Variants in RAD18 observed in about 807,000 individuals in gnomAD.
RAD18 encodes the protein E3 ubiquitin-protein ligase RAD18.
RAD18 carries 47 observed loss-of-function variants against 60.4 expected under a neutral mutation model. That is an observed-to-expected ratio of 0.78 (90% CI 0.62 to 0.99). The LOEUF (loss-of-function observed/expected upper bound fraction) is 0.99. RAD18 is among the 50% of genes least tolerant of loss of function. RAD18 has a pLI of 0.00. For synonymous variants in RAD18, 225 were observed against 195.5 expected, an observed-to-expected ratio of 1.15 and a Z score of -1.26; for missense variants, 640 against 593.3, an observed-to-expected ratio of 1.08 and a Z score of -0.82.
chr3:8,891,364 C>G (rs593483), intron 11 of RAD18, among the ~76,000 whole-genome samples: 83,480 of 151,652 alleles, frequency 0.55, 26,447 homozygotes, highest in Middle Eastern at 0.71. Context: ...AGCATCTCTA[C>G]TATTCTAGCT....
At chr3:8,894,280 C>T (rs6792980) in intron 11 of RAD18, among the ~76,000 whole-genome samples, 30,510 of 151,804 alleles carry the variant, frequency 0.2, 4,706 homozygotes, top group African/African-American at 0.43. Context: ...TCCACTAGAA[C>T]TAAAGAAAGA....
chr3:8,961,476 A>T (rs187934375), intron 1 of RAD18, among the ~76,000 whole-genome samples: 5 of 152,362 alleles, frequency 3.3e-5, no homozygotes, highest in Admixed American at 3.3e-4. Flanking sequence ...TTTACAAATA[A>T]CTTGAGACTC....
Position 8,899,174 on chromosome 3 carries a change from C to T in RAD18, c.1169-127G>A, listed in dbSNP as rs553122275. ...AGTATATGTCACATAGATTCCAGAA[C>T]TCTAGTGACAGCCAGAGAGCAAGAA... is the stretch of plus-strand genomic sequence containing the variant. On this transcript the variant is annotated intron_variant, in intron 10 of 12. Transcript: ENST00000264926. 9.6e-5 allele frequency: 61 copies of T among 634,904 alleles called. No homozygotes were observed. In the African/African-American group the frequency reaches 9.9e-4, roughly 10 times the overall value. The allele number at this position is 634,904 out of a possible 1,614,324, so 39.3% of individuals were successfully genotyped here.
chr3:8,908,724 A>G (rs1940056977), intron 9 of RAD18, among the ~76,000 whole-genome samples: 1 of 152,246 alleles, frequency 6.6e-6, no homozygotes, highest in African/African-American at 2.4e-5. Flanking sequence ...ATTAGAAATA[A>G]GTAATTAATT....
At chr3:8,916,533 A>T (rs1940202717) in intron 7 of RAD18, among the ~76,000 whole-genome samples, 1 of 152,214 alleles carries the variant, frequency 6.6e-6, no homozygotes, top group South Asian at 2.1e-4. Context: ...TTCAATCAAA[A>T]CTTAAACATG....
chr3:8,936,127 A>G, intron 6 of RAD18, 72 bp from the exon 7 acceptor site: 1 of 1,346,458 alleles, frequency 7.4e-7, no homozygotes, highest in East Asian at 2.5e-5. Context: ...TGGCAAATAA[A>G]TTCTGATTCA....
chr3:8,936,123 A>G (rs566747945), intron 6 of RAD18, 68 bp from the exon 7 acceptor site: 189 of 1,341,422 alleles, frequency 1.4e-4, no homozygotes, highest in Admixed American at 3.2e-4. Context: ...AAAATGGCAA[A>G]TAAATTCTGA....
chr3:8,900,519 A>G (rs1438503798), intron 10 of RAD18, among the ~76,000 whole-genome samples: 1 of 152,204 alleles, frequency 6.6e-6, no homozygotes, highest in Admixed American at 6.5e-5. Context: ...AGCATTCAAT[A>G]ATCTGTGGGC....
intron 6 of RAD18, among the ~76,000 whole-genome samples, chr3:8,938,109 G>A (rs904531807): frequency 6.6e-6 from 1 of 152,022 alleles, no homozygotes; most frequent in Admixed American, 6.6e-5. Flanking sequence ...TCAAACTCTC[G>A]TGGCTTATGG....
chr3:8,948,533 T>A lies in RAD18; in HGVS notation c.171A>T (p.Lys57Asn). 6.2e-7 allele frequency: 1 copy of A among 1,613,066 alleles called. No individual in the cohort carries two copies. The highest frequency in any genetic ancestry group is 1.3e-5 in the African/African-American group (1 of 75,010). Residue 57 changes from lysine (K) to asparagine (N), a missense_variant, in exon 3 of 13, where the codon AAA becomes AAT. Coordinates refer to ENST00000264926, the MANE Select transcript of RAD18 (RefSeq NM_020165.4). The part of the protein sequence containing the change: ...SLCIRKFLSY[K>N]TQCPTCCVTV... ...CCACACAGCAAGTTGGACACTGAGT[T>A]TTATAGGACAGAAATTTTCTTATAC...
At chr3:8,927,894 A>G (rs907792867) in intron 7 of RAD18, among the ~76,000 whole-genome samples, 2 of 145,678 alleles carry the variant, frequency 1.4e-5, no homozygotes, top group African/African-American at 5.1e-5. Flanking sequence ...GGAACATCAC[A>G]CACTGGGGCC....
chr3:8,937,516 A>ATATATATAATATATATATATATATATAT (rs1559790514), intron 6 of RAD18, among the ~76,000 whole-genome samples: 1 of 152,062 alleles, frequency 6.6e-6, no homozygotes, highest in African/African-American at 2.4e-5. Flanking sequence ...TAGAAGGGTT[A>ATATATATAATATATATATATATATATAT]AGGGCTGCCA....
At chr3:8,895,712 A>T (rs1302000152) in intron 11 of RAD18, among the ~76,000 whole-genome samples, 1 of 152,244 alleles carries the variant, frequency 6.6e-6, no homozygotes, top group African/African-American at 2.4e-5. Flanking sequence ...TAAAAGATGT[A>T]TACTGAGTTG....
chr3:8,914,734 A>C (rs574776), intron 7 of RAD18, among the ~76,000 whole-genome samples: 105,138 of 152,006 alleles, frequency 0.69, 36,904 homozygotes, highest in Middle Eastern at 0.76. Flanking sequence ...CCTTTCCAAA[A>C]TGAGTCATGG....
At chr3:8,916,005 A>G (rs1940193899) in intron 7 of RAD18, among the ~76,000 whole-genome samples, 1 of 152,206 alleles carries the variant, frequency 6.6e-6, no homozygotes, top group African/African-American at 2.4e-5. Context: ...CTGGCAAAAG[A>G]GAACCACCCC....
chr3:8,910,903 T>C (rs1940095274), intron 9 of RAD18, among the ~76,000 whole-genome samples: 1 of 152,194 alleles, frequency 6.6e-6, no homozygotes, highest in African/African-American at 2.4e-5. Flanking sequence ...TAGCACCAAA[T>C]GGCTTGATAG....
chr3:8,896,583 T>C (rs1053665566), intron 11 of RAD18, among the ~76,000 whole-genome samples: 3 of 152,238 alleles, frequency 2.0e-5, no homozygotes, highest in Non-Finnish European at 2.9e-5. Context: ...CTTGCTGTCC[T>C]TTCTACCACA....
chr3:8,894,849 C>T (rs1424278768), intron 11 of RAD18, among the ~76,000 whole-genome samples: 6 of 150,856 alleles, frequency 4.0e-5, no homozygotes, highest in African/African-American at 9.8e-5. Flanking sequence ...CAACCTCCGC[C>T]TCCCACGTTC....
chr3:8,885,526 A>C (rs1418666798), intron 12 of RAD18, among the ~76,000 whole-genome samples: 2 of 152,236 alleles, frequency 1.3e-5, no homozygotes, highest in Non-Finnish European at 2.9e-5. Flanking sequence ...GTGTTAGCTT[A>C]AAAATCAAAT....
Sources: allele counts gnomAD v4.1 joint callset (sites outside exome capture counted in the v4.1 genomes callset), GRCh38; gene constraint gnomAD v4.1.1; transcripts MANE v1.5; gene names NCBI Gene and HGNC (gene_info 2026-07-23, HGNC 2026-07-21).